Variants in AGBL1 observed in about 807,000 individuals in gnomAD.
AGBL1 encodes AGBL carboxypeptidase 1, also known as cytosolic carboxypeptidase 4.
AGBL1 carries 130 observed loss-of-function variants against 118.9 expected under a neutral mutation model. The ratio of observed to expected loss-of-function variants is 1.09; its 90% CI spans 0.95 to 1.26. The LOEUF is 1.26. Ranked by LOEUF, AGBL1 falls within the 50% of genes most tolerant of loss-of-function variation. The pLI is 0.00. For missense variants in AGBL1, 1,584 were observed against 1,298.1 expected, an observed-to-expected ratio of 1.22 and a Z score of -3.38; for synonymous variants, 555 against 478.9, an observed-to-expected ratio of 1.16 and a Z score of -2.08.
intron 21 of AGBL1, among the ~76,000 whole-genome samples, chr15:86,653,061 G>A (rs550494607): frequency 1.3e-5 from 2 of 152,246 alleles, no homozygotes; most frequent in East Asian, 3.9e-4. Context: ...CCATGAGAAT[G>A]TATATTCATT....
At chr15:86,367,513 G>A (rs1259981957) in intron 17 of AGBL1, among the ~76,000 whole-genome samples, 1 of 151,948 alleles carries the variant, frequency 6.6e-6, no homozygotes, top group African/African-American at 2.4e-5. Context: ...GATATAATAT[G>A]CAAGTTTCCT....
At chr15:86,568,546 C>G (rs1323910964) in intron 21 of AGBL1, among the ~76,000 whole-genome samples, 1 of 152,216 alleles carries the variant, frequency 6.6e-6, no homozygotes, top group Non-Finnish European at 1.5e-5. Context: ...AATGAAGCAT[C>G]TCATTAAATG....
chr15:86,317,111 C>A (rs997013293), intron 17 of AGBL1: 23 of 152,326 alleles, frequency 1.5e-4, no homozygotes, highest in African/African-American at 5.5e-4. Context: ...TCATCTGTTT[C>A]CGGCTTCTTC....
chr15:86,213,859 G>C (rs1220313430), intron 5 of AGBL1, among the ~76,000 whole-genome samples: 1 of 152,046 alleles, frequency 6.6e-6, no homozygotes, highest in Admixed American at 6.6e-5. Context: ...ACTATCTACT[G>C]TCAAAACTTT....
At chr15:86,975,439 C>G (rs2081165988) in intron 23 of AGBL1, among the ~76,000 whole-genome samples, 1 of 152,024 alleles carries the variant, frequency 6.6e-6, no homozygotes, top group Non-Finnish European at 1.5e-5. Flanking sequence ...AATTACCTCC[C>G]ACAGGGCCCC....
chr15:86,259,395 A>C (rs2078947891), intron 9 of AGBL1, among the ~76,000 whole-genome samples: 1 of 152,250 alleles, frequency 6.6e-6, no homozygotes, highest in Admixed American at 6.5e-5. Context: ...AATAAGAGTC[A>C]GTAAATTAAG....
rs34651289 is a variant in AGBL1 at position 86,233,380 on chromosome 15, CTT to C, written c.526+8442_526+8443del. On this transcript the variant is annotated intron_variant, in intron 6 of 22. Coordinates refer to ENST00000614907, the MANE Select transcript of AGBL1 (RefSeq NM_001386094.1). ...ATTAGAAATTCTTTAGTAGCAAAACCTTTTTTTTTTTTTTCTTGAACATAAAA... is the reference window on the plus strand; with the variant it reads ...ATTAGAAATTCTTTAGTAGCAAAACCTTTTTTTTTTTTCTTGAACATAAAA... Among the ~76,000 whole-genome samples, 973 of 146,236 alleles carry C rather than the reference CTT, an allele frequency of 6.7e-3. 12 individuals carry two copies. The highest frequency in any genetic ancestry group is 0.023 in the African/African-American group (903 of 40,062).
intron 5 of AGBL1, among the ~76,000 whole-genome samples, chr15:86,176,676 C>A (rs747189091): frequency 3.9e-5 from 6 of 152,166 alleles, no homozygotes; most frequent in African/African-American, 1.4e-4. Context: ...GGCAGGATAT[C>A]ATCTGGTGGG....
At chr15:86,994,025 C>T (rs888956144) in intron 24 of AGBL1, among the ~76,000 whole-genome samples, 2 of 152,068 alleles carry the variant, frequency 1.3e-5, no homozygotes, top group Non-Finnish European at 2.9e-5. Flanking sequence ...ACGCTTCATT[C>T]AGTGTGACAC....
chr15:86,810,509 T>C (rs576210402), intron 22 of AGBL1, among the ~76,000 whole-genome samples: 14 of 152,258 alleles, frequency 9.2e-5, no homozygotes, highest in African/African-American at 3.4e-4. Context: ...TTACTGAGAA[T>C]ATTTAAAGTA....
chr15:87,007,368 A>G (rs997878862), intron 24 of AGBL1, among the ~76,000 whole-genome samples: 1 of 152,198 alleles, frequency 6.6e-6, no homozygotes, highest in Non-Finnish European at 1.5e-5. Flanking sequence ...AGAAAAATAC[A>G]TTGCTTTTAG....
At chr15:86,273,155 T>G (rs966314056) in intron 15 of AGBL1, among the ~76,000 whole-genome samples, 6 of 152,016 alleles carry the variant, frequency 3.9e-5, no homozygotes, top group Non-Finnish European at 4.4e-5. Context: ...AAATTCCAGT[T>G]GAGGATGCTC....
chr15:86,324,706 G>A (rs969909752), intron 17 of AGBL1, among the ~76,000 whole-genome samples: 2 of 152,154 alleles, frequency 1.3e-5, no homozygotes, highest in African/African-American at 4.8e-5. Flanking sequence ...AAAAAAAGTG[G>A]GTGGTAGTAA....
chr15:86,399,268 G>T (rs1190980044), intron 18 of AGBL1, among the ~76,000 whole-genome samples: 1 of 152,140 alleles, frequency 6.6e-6, no homozygotes, highest in African/African-American at 2.4e-5. Context: ...ACAGCTCTGG[G>T]ACATCAGTGA....
intron 21 of AGBL1, among the ~76,000 whole-genome samples, chr15:86,563,174 G>A (rs1382604439): frequency 1.3e-5 from 2 of 151,816 alleles, no homozygotes; most frequent in East Asian, 1.9e-4. Flanking sequence ...GTTATTTCTT[G>A]CCTTCTGCTA....
At chr15:86,279,382 G>T (rs1364593167) in intron 15 of AGBL1, among the ~76,000 whole-genome samples, 3 of 152,178 alleles carry the variant, frequency 2.0e-5, no homozygotes, top group Non-Finnish European at 1.5e-5. Flanking sequence ...AGCAAGGAAA[G>T]GTCGGTAGCA....
At chr15:86,215,326 G>A (rs1452280468) in intron 5 of AGBL1, among the ~76,000 whole-genome samples, 1 of 151,220 alleles carries the variant, frequency 6.6e-6, no homozygotes, top group African/African-American at 2.4e-5. Flanking sequence ...GTAGCAGATG[G>A]TATTCTAAAC....
intron 18 of AGBL1, among the ~76,000 whole-genome samples, chr15:86,511,728 G>A (rs1009622186): frequency 2.0e-5 from 3 of 151,956 alleles, no homozygotes; most frequent in Admixed American, 6.6e-5. Context: ...TATAATGGTG[G>A]TGATGATGAT....
chr15:86,156,683 G>A (rs2141698646), intron 4 of AGBL1, among the ~76,000 whole-genome samples: 1 of 152,112 alleles, frequency 6.6e-6, no homozygotes, highest in Non-Finnish European at 1.5e-5. Flanking sequence ...TTTTGAAATA[G>A]TAGAATGAGT....
Sources: allele counts gnomAD v4.1 joint callset (sites outside exome capture counted in the v4.1 genomes callset), GRCh38; gene constraint gnomAD v4.1.1; transcripts MANE v1.5; gene names NCBI Gene and HGNC (gene_info 2026-07-23, HGNC 2026-07-21).